The following TRIM67 variants were observed in gnomAD, a reference collection of about 807,000 sequenced individuals.
TRIM67 encodes tripartite motif-containing protein 67.
TRIM67 carries 39 observed loss-of-function variants against 71.0 expected under a neutral mutation model. The observed-to-expected ratio is 0.55, with a 90% CI of 0.43 to 0.72. TRIM67 has a LOEUF of 0.72. Among genes scored for constraint, TRIM67 ranks in the 30% least tolerant of loss-of-function variants. TRIM67 has a pLI of 0.00. For missense variants in TRIM67, 973 were observed against 1,079.2 expected, an observed-to-expected ratio of 0.90 and a Z score of 1.38; for synonymous variants, 481 against 473.9, an observed-to-expected ratio of 1.01 and a Z score of -0.19.
rs1256871254 is a variant in TRIM67, at chr1:231,213,977, G to C, written c.2286G>C (p.Gln762His). ...MPALSLNRNV[Q>H]VTLHTGLEVP... ...CCCTCAGCCTCAACCGCAACGTGCA[G>C]GTACACACCTCCCCAGGGCCGGACC... The change falls in exon 9 of 10, where the codon CAG (glutamine) becomes CAC (histidine). Residue 762 changes from glutamine (Q) to histidine (H), a missense_variant and splice_region_variant. Gln to His is a conservative substitution (Grantham distance 24, BLOSUM62 0). This residue lies in a region of TRIM67 where 178 missense variants were observed against 247.9 expected (regional missense o/e 0.72). Coordinates refer to ENST00000366653, the MANE Select transcript of TRIM67 (RefSeq NM_001004342.5). 6.2e-7 allele frequency: 1 copy of C among 1,608,214 alleles called. No homozygotes were observed. The highest frequency in any genetic ancestry group is 1.7e-5 in the Admixed American group (1 of 59,472).
intron 1 of TRIM67, chr1:231,184,592 G>A: frequency 5.4e-6 from 1 of 186,474 alleles, no homozygotes; most frequent in Non-Finnish European, 1.1e-5. Context: ...TGGTACTGGA[G>A]TCCTAATTCC....
chr1:231,187,105 G>A (rs1683102105), intron 1 of TRIM67, among the ~76,000 whole-genome samples: 1 of 152,228 alleles, frequency 6.6e-6, no homozygotes, highest in South Asian at 2.1e-4. Context: ...TGACCAGGAA[G>A]TCGTAGCTGT....
chr1:231,164,263 G>A (rs577669523), intron 1 of TRIM67, among the ~76,000 whole-genome samples: 5 of 152,320 alleles, frequency 3.3e-5, no homozygotes, highest in African/African-American at 1.2e-4. Flanking sequence ...ACCCACCCGA[G>A]GTTTTAGGAT....
chr1:231,216,150 TTC>T lies in TRIM67; in HGVS notation c.*714_*715del. On this transcript the variant is annotated 3_prime_UTR_variant, in exon 10 of 10. Coordinates refer to ENST00000366653, the MANE Select transcript of TRIM67 (RefSeq NM_001004342.5). ...TCCTTCATTTCTTCTCCCTCCCTCCTTCTCTTTCTCTCTTCTTCTCTCTCTCC... is the reference window on the plus strand; with the variant it reads ...TCCTTCATTTCTTCTCCCTCCCTCCTTCTTTCTCTCTTCTTCTCTCTCTCC... The T allele has an allele frequency of 7.2e-6, 7 of 971,634 alleles. No homozygotes were observed. The highest frequency in any genetic ancestry group is 8.6e-6 in the Non-Finnish European group (7 of 817,756). The allele number at this position is 971,634 out of a possible 1,614,324, so 60.2% of individuals were successfully genotyped here. A position where few individuals can be genotyped will look rare whatever the true frequency, so the allele number is the denominator to read the frequency against.
rs921227625 is a variant in TRIM67 at position 231,194,510 on chromosome 1, G to A, written c.1045-2861G>A. Among the ~76,000 whole-genome samples the A allele has an allele frequency of 5.9e-5, 9 of 152,174 alleles. No homozygotes were observed. The South Asian group carries it at 1.9e-3, about 32-fold the overall frequency. On this transcript the variant is annotated intron_variant, in intron 1 of 9. Coordinates refer to ENST00000366653, the MANE Select transcript of TRIM67 (RefSeq NM_001004342.5). ...GGGCATGTTCCAGAGCCTGTCACAG[G>A]TTGGAAGGCTTATCTAGAAAGTGAA...
At chr1:231,169,993 C>CATTTTTTTTTTTTTTTTT (rs1682582039) in intron 1 of TRIM67, among the ~76,000 whole-genome samples, 1 of 136,136 alleles carries the variant, frequency 7.3e-6, no homozygotes, top group African/African-American at 3.2e-5. Flanking sequence ...TTCTTTCTCT[C>CATTTTTTTTTTTTTTTTT]TTTTTTTTTT....
In TRIM67 at chr1:231,209,266, A is replaced by G; in HGVS notation, c.2123+16A>G. 1 of 1,523,228 alleles carries G rather than the reference A, an allele frequency of 6.6e-7. No homozygotes were observed. Among genetic ancestry groups the G allele is most frequent in the Non-Finnish European group, 8.8e-7 (1 of 1,130,042 alleles). 94.4% of individuals were successfully genotyped at this position (1,523,228 alleles called of 1,614,324 possible). On this transcript the variant is annotated intron_variant, in intron 8 of 9. Coordinates refer to ENST00000366653, the MANE Select transcript of TRIM67 (RefSeq NM_001004342.5). This position sits in a 1 kb window ranked among gnomAD's most constrained non-coding sequence, Gnocchi z 4.1. ...ACACCAACAGGTGCGATTGGGCCCC[A>G]TCCTGCCTCCCGTGGACACAGGTTG...
rs867452890 is a variant in TRIM67, at chr1:231,163,465, G to A, written c.496G>A (p.Ala166Thr). ...SITCPQCHRS[A>T]SLDHRGLRGF... ...CACGTGCCCGCAGTGCCACCGCAGCGCATCCCTGGACCACCGCGGCCTGCG... is the reference window on the plus strand; with the variant it reads ...CACGTGCCCGCAGTGCCACCGCAGCACATCCCTGGACCACCGCGGCCTGCG... Residue 166 changes from alanine to threonine, a missense_variant, in exon 1 of 10, where the codon GCA (alanine) becomes ACA (threonine). Ala to Thr is a moderately conservative substitution (Grantham distance 58). Coordinates refer to ENST00000366653, the MANE Select transcript of TRIM67 (RefSeq NM_001004342.5). 2 of 1,537,452 alleles carry A rather than the reference G, an allele frequency of 1.3e-6. No individual in the cohort carries two copies. Among genetic ancestry groups the A allele is most frequent in the African/African-American group, 1.4e-5 (1 of 71,208 alleles).
At chr1:231,213,746 T>G (rs1683933681) in intron 8 of TRIM67, 69 bp from the exon 9 acceptor site, 39 of 1,483,322 alleles carry the variant, frequency 2.6e-5, no homozygotes, top group Non-Finnish European at 3.5e-5. Flanking sequence ...AAGTAAATAA[T>G]TCTCCTGAGT....
chr1:231,164,955 A>G (rs1200636390), intron 1 of TRIM67, among the ~76,000 whole-genome samples: 1 of 152,240 alleles, frequency 6.6e-6, no homozygotes, highest in Admixed American at 6.5e-5. Context: ...AAAAACAAAC[A>G]TGAAACACTT....
At chr1:231,188,917 T>C (rs1683158550) in intron 1 of TRIM67, among the ~76,000 whole-genome samples, 1 of 152,218 alleles carries the variant, frequency 6.6e-6, no homozygotes, top group Non-Finnish European at 1.5e-5. Flanking sequence ...ACCTTTGTCC[T>C]GTGGCACAAA....
In TRIM67 at chr1:231,162,904, C is replaced by T. The variant is rs1334960405; in HGVS notation, c.-66C>T. On this transcript the variant is annotated 5_prime_UTR_variant, in exon 1 of 10. Transcript: ENST00000366653. ...CGGGGCGCACCGCGCTGGTCCTCCT[C>T]CGCCAGTCTCCCGAGCTCCGGCCAT... is the stretch of plus-strand genomic sequence containing the variant. 2.6e-6 allele frequency: 4 copies of T among 1,556,518 alleles called. No homozygotes were observed. The highest frequency in any genetic ancestry group is 3.5e-6 in the Non-Finnish European group (4 of 1,156,314).
chr1:231,187,583 G>C (rs776642436), intron 1 of TRIM67: 1 of 1,530,672 alleles, frequency 6.5e-7, no homozygotes, highest in South Asian at 1.2e-5. Context: ...AACCTCCTTT[G>C]TGCCCAATGA....
At chr1:231,172,344 C>A (rs771449942) in intron 1 of TRIM67, among the ~76,000 whole-genome samples, 9 of 151,934 alleles carry the variant, frequency 5.9e-5, no homozygotes, top group Non-Finnish European at 1.2e-4. Flanking sequence ...AAAAGGGAAT[C>A]GAAGGTGGGG....
rs748343528 is a variant in TRIM67, at chr1:231,203,983, C to G, written c.1651C>G (p.Leu551Val). The change falls in exon 6 of 10, where the codon CTG (leucine) becomes GTG (valine). Residue 551 changes from leucine (L) to valine (V), a missense_variant. Coordinates refer to ENST00000366653, the MANE Select transcript of TRIM67 (RefSeq NM_001004342.5). ...CCCCGTGGACGGCTACATCCTGGAG[C>G]TGGACGACGGTGCCGGGGGACAGTT... ...HSPVDGYILE[L>V]DDGAGGQFRE... The G allele has an allele frequency of 2.5e-6, 4 of 1,614,012 alleles. No homozygotes were observed. Among genetic ancestry groups the G allele is most frequent in the Admixed American group, 3.3e-5 (2 of 60,028 alleles).
intron 2 of TRIM67, among the ~76,000 whole-genome samples, chr1:231,198,189 G>A (rs1683420510): frequency 6.6e-6 from 1 of 152,172 alleles, no homozygotes; most frequent in African/African-American, 2.4e-5. Context: ...CTAAACAAAT[G>A]TGTTTACTGA....
Position 231,219,808 on chromosome 1 carries a change from A to C in TRIM67, c.*4368A>C. 1 of 1,272,596 alleles carries C rather than the reference A, an allele frequency of 7.9e-7. No homozygotes were observed. Among genetic ancestry groups the C allele is most frequent in the Non-Finnish European group, 1.0e-6 (1 of 979,236 alleles). The allele number at this position is 1,272,596 out of a possible 1,614,324, so 78.8% of individuals were successfully genotyped here. On this transcript the variant is annotated 3_prime_UTR_variant, in exon 10 of 10. Transcript: ENST00000366653. ...GAGCCGGTAGCTGTGTTTGTTGACC[A>C]CATTCTTTGGCAGTTCCTCCCAGAA...
In TRIM67 at chr1:231,163,425, GTCTT is replaced by G; in HGVS notation, c.457_460del (p.Ser153ArgfsTer163). 6.5e-7 allele frequency: 1 copy of G among 1,538,920 alleles called. No homozygotes were observed. Among genetic ancestry groups the G allele is most frequent in the Non-Finnish European group, 8.7e-7 (1 of 1,146,836 alleles). On this transcript the variant is annotated frameshift_variant, in exon 1 of 10. Coordinates refer to ENST00000366653, the MANE Select transcript of TRIM67 (RefSeq NM_001004342.5). LOFTEE classifies it high-confidence loss of function. ...GTGCCGCCTGCTCCTCGCTGTCCTC[GTCTT>G]CGAGCTCCATCACGTGCCCGCAGTG... is the stretch of plus-strand genomic sequence containing the variant.
intron 1 of TRIM67, among the ~76,000 whole-genome samples, chr1:231,171,281 C>G (rs1458512145): frequency 6.6e-6 from 1 of 152,180 alleles, no homozygotes; most frequent in Non-Finnish European, 1.5e-5. Flanking sequence ...GGGCAGGAAT[C>G]TCTAAGGGGT....
Sources: gnomAD v4.1 joint callset for allele counts (sites outside exome capture counted in the v4.1 genomes callset) on GRCh38, gnomAD v4.1.1 for gene constraint, gnomAD v4.1.1 regional missense constraint, Gnocchi (gnomAD v3.1) non-coding constraint, MANE v1.5 for transcripts, NCBI Gene and HGNC (gene_info 2026-07-23, HGNC 2026-07-21) for gene names.